The following ENDOD1 variants were observed in gnomAD, a reference collection of about 807,000 sequenced individuals.
ENDOD1 encodes the protein endonuclease domain containing 1.
ENDOD1 carries 9 observed loss-of-function variants against 6.5 expected under a neutral mutation model. The ratio of observed to expected loss-of-function variants is 1.39; its 90% CI spans 0.84 to 2.43. The LOEUF is 2.43. Among genes scored for constraint, ENDOD1 ranks in the 30% most tolerant of loss-of-function variants. The pLI, the probability that ENDOD1 is intolerant of heterozygous loss-of-function variation, is 0.00. For missense variants in ENDOD1, 648 were observed against 635.5 expected, an observed-to-expected ratio of 1.02 and a Z score of -0.21; for synonymous variants, 255 against 255.2, an observed-to-expected ratio of 1.00 and a Z score of 0.01.
chr11:95,118,090 A>G (rs1358885835), intron 1 of ENDOD1, among the ~76,000 whole-genome samples: 2 of 152,024 alleles, frequency 1.3e-5, no homozygotes, highest in African/African-American at 2.4e-5. Context: ...TTCACTTTTT[A>G]TTGTTTCTAT....
At chr11:95,108,910 A>G (rs1380349540) in intron 1 of ENDOD1, among the ~76,000 whole-genome samples, 4 of 152,062 alleles carry the variant, frequency 2.6e-5, no homozygotes, top group African/African-American at 9.7e-5. Context: ...AGATTATCTG[A>G]TGTTCTCATT....
chr11:95,128,454 C>A lies in ENDOD1; in HGVS notation c.378C>A (p.Ser126Arg), dbSNP rs965080410. The change falls in exon 2 of 2, where the codon AGC becomes AGA. Residue 126 changes from serine (S) to arginine (R), a missense_variant. By Grantham distance (110) the Ser-to-Arg change is moderately radical. Transcript: ENST00000278505. ...EAITSVNSLG[S>R]KQALNTDYLD... ...TCACCTCTGTGAACAGCCTGGGAAGCAAGCAAGCCTTGAATACAGATTACC... is the reference window on the plus strand; with the variant it reads ...TCACCTCTGTGAACAGCCTGGGAAGAAAGCAAGCCTTGAATACAGATTACC... 5 of 1,614,104 alleles carry A rather than the reference C, an allele frequency of 3.1e-6. No homozygotes were observed. Among genetic ancestry groups the A allele is most frequent in the Non-Finnish European group, 3.4e-6 (4 of 1,180,040 alleles).
At chr11:95,095,075 G>A (rs1421528290) in intron 1 of ENDOD1, among the ~76,000 whole-genome samples, 1 of 151,298 alleles carries the variant, frequency 6.6e-6, no homozygotes, top group African/African-American at 2.5e-5. Context: ...ACACACAAAT[G>A]GAATGTTGGA....
At chr11:95,113,448 A>G (rs2134169551) in intron 1 of ENDOD1, among the ~76,000 whole-genome samples, 1 of 152,186 alleles carries the variant, frequency 6.6e-6, no homozygotes, top group African/African-American at 2.4e-5. Context: ...TAACTCCATG[A>G]GTTCAATTAT....
intron 1 of ENDOD1, among the ~76,000 whole-genome samples, chr11:95,092,313 G>T (rs1555109944): frequency 6.6e-6 from 1 of 152,146 alleles, no homozygotes; most frequent in African/African-American, 2.4e-5. Flanking sequence ...GGATCAGGTG[G>T]GGAGGAGCCA....
Position 95,128,307 on chromosome 11 carries a change from C to A in ENDOD1, c.301-70C>A, listed in dbSNP as rs534179573. 5 of 1,538,462 alleles carry A rather than the reference C, an allele frequency of 3.2e-6. No individual in the cohort carries two copies. In the African/African-American group the frequency reaches 6.8e-5, roughly 21 times the overall value. On this transcript the variant is annotated intron_variant, in intron 1 of 1. Coordinates refer to ENST00000278505, the MANE Select transcript of ENDOD1 (RefSeq NM_015036.3). ...AGTGGGGACTTCTCCAGAGTCTGGG[C>A]AGGATGATTCTAGTGCTGCCTCTGT...
At chr11:95,095,579 G>T (rs1345277981) in intron 1 of ENDOD1, among the ~76,000 whole-genome samples, 12 of 152,182 alleles carry the variant, frequency 7.9e-5, no homozygotes, top group African/African-American at 2.9e-4. Context: ...CAGTCCAGTG[G>T]TGACAATTCC....
Position 95,089,856 on chromosome 11 carries a change from C to T in ENDOD1, c.-72C>T. 8.0e-7 allele frequency: 1 copy of T among 1,257,564 alleles called. No individual in the cohort carries two copies. The highest frequency in any genetic ancestry group is 1.0e-6 in the Non-Finnish European group (1 of 999,352). 77.9% of individuals were successfully genotyped at this position (1,257,564 alleles called of 1,614,324 possible). On this transcript the variant is annotated 5_prime_UTR_variant, in exon 1 of 2. Coordinates refer to ENST00000278505, the MANE Select transcript of ENDOD1 (RefSeq NM_015036.3). The stretch of plus-strand genomic sequence containing the variant: ...ACCCTGCTCGGCTGCGTAGTGCGCT[C>T]CCCGCCCAGCCTGCAGAGCTCGCGC...
At chr11:95,117,399 ACT>A (rs1378299785) in intron 1 of ENDOD1, among the ~76,000 whole-genome samples, 2 of 152,116 alleles carry the variant, frequency 1.3e-5, no homozygotes, top group African/African-American at 4.8e-5. Flanking sequence ...ACAGAGTAAG[ACT>A]CTGTCTCAAA....
At position 95,128,793 on chromosome 11, in the gene ENDOD1, C is replaced by T; in HGVS notation, c.717C>T (p.His239=). 4 of 1,614,188 alleles carry T rather than the reference C, an allele frequency of 2.5e-6. No individual in the cohort carries two copies. Among genetic ancestry groups the T allele is most frequent in the East Asian group, 2.2e-5 (1 of 44,890 alleles). The change falls in exon 2 of 2, where the codon CAC becomes CAT. Residue 239 remains histidine, a synonymous_variant. Transcript: ENST00000278505. ...GCTGGGCCATGGGCTTTGTCAAGCA[C>T]ACCCGGGACAGTGACATCATAGAAG... ...GGGWAMGFVK[H]TRDSDIIEDV... is the part of the protein sequence containing the mutation.
At chr11:95,097,604 G>A (rs1436457089) in intron 1 of ENDOD1, among the ~76,000 whole-genome samples, 1 of 152,192 alleles carries the variant, frequency 6.6e-6, no homozygotes, top group African/African-American at 2.4e-5. Context: ...ATGTGATCTG[G>A]CTTACATTTA....
intron 1 of ENDOD1, among the ~76,000 whole-genome samples, chr11:95,118,928 G>C (rs1309462101): frequency 1.3e-5 from 2 of 152,164 alleles, no homozygotes; most frequent in East Asian, 3.9e-4. Context: ...TCTTCTGTTT[G>C]ATCAGTTCTG....
intron 1 of ENDOD1, among the ~76,000 whole-genome samples, chr11:95,106,279 G>A (rs545756453): frequency 2.0e-5 from 3 of 152,300 alleles, no homozygotes; most frequent in African/African-American, 7.2e-5. Flanking sequence ...ACCCAGATAG[G>A]ATTTAGGTAG....
chr11:95,122,426 GT>G (rs2134173423), intron 1 of ENDOD1, among the ~76,000 whole-genome samples: 2 of 1,390 alleles, frequency 1.4e-3, no homozygotes, highest in African/African-American at 7.6e-3. Flanking sequence ...TAGAAACAGG[GT>G]TTCACCATGT....
intron 1 of ENDOD1, among the ~76,000 whole-genome samples, chr11:95,113,084 A>G (rs1859166250): frequency 6.6e-6 from 1 of 151,466 alleles, no homozygotes; most frequent in South Asian, 2.1e-4. Flanking sequence ...TATTGGGTAT[A>G]TAAGATATTT....
intron 1 of ENDOD1, among the ~76,000 whole-genome samples, chr11:95,114,709 T>C (rs1859187381): frequency 6.6e-6 from 1 of 152,210 alleles, no homozygotes; most frequent in African/African-American, 2.4e-5. Context: ...TTCTTCTGCA[T>C]ATGGATATTT....
chr11:95,101,490 G>A (rs1168439480), intron 1 of ENDOD1, among the ~76,000 whole-genome samples: 1 of 152,220 alleles, frequency 6.6e-6, no homozygotes, highest in South Asian at 2.1e-4. Context: ...TTATTGTCTC[G>A]GTGGTAGTGG....
rs753808063 is a variant in ENDOD1 at position 95,129,395 on chromosome 11, T to A, written c.1319T>A (p.Phe440Tyr). ...CGTGTCCTTGTGGATGTGGCCACTT[T>A]CCCTGTGTACACCATGGGCGCTATT... ...PVRVLVDVATFPVYTMGAIPI... is the reference protein window; with the variant it reads ...PVRVLVDVATYPVYTMGAIPI... The change falls in exon 2 of 2, where the codon TTC (phenylalanine) becomes TAC (tyrosine). Residue 440 changes from phenylalanine (F) to tyrosine (Y), a missense_variant. Phe to Tyr is a conservative substitution (Grantham distance 22). Transcript: ENST00000278505. 5 of 1,614,082 alleles carry A rather than the reference T, an allele frequency of 3.1e-6. No individual in the cohort carries two copies. The Admixed American group carries it at 8.3e-5, about 27-fold the overall frequency.
At position 95,090,077 on chromosome 11, in the gene ENDOD1, T is replaced by C. The variant is rs376760793; in HGVS notation, c.150T>C (p.Asp50=). Residue 50 remains aspartate (D), a synonymous_variant, in exon 1 of 2, where the codon GAT becomes GAC. Transcript: ENST00000278505. Reference sequence around the variant, plus strand: ...CCCCGCCTGCGGGGCTGGCGGCCGATTCCCACGTGAAGATCTGTCAGCGCG... The same window carrying C: ...CCCCGCCTGCGGGGCTGGCGGCCGACTCCCACGTGAAGATCTGTCAGCGCG... ...AGTPPAGLAA[D]SHVKICQRAE... 7 of 1,602,080 alleles carry C rather than the reference T, an allele frequency of 4.4e-6. No individual in the cohort carries two copies. Among genetic ancestry groups the C allele is most frequent in the Non-Finnish European group, 6.0e-6 (7 of 1,175,612 alleles).
Sources: gnomAD v4.1 joint callset for allele counts (sites outside exome capture counted in the v4.1 genomes callset) on GRCh38, gnomAD v4.1.1 for gene constraint, MANE v1.5 for transcripts, NCBI Gene and HGNC (gene_info 2026-07-23, HGNC 2026-07-21) for gene names.